RUNX3: variants seen among roughly 807,000 people sequenced by gnomAD.
RUNX3 encodes the protein RUNX family transcription factor 3, also known as runt-related transcription factor 3.
In RUNX3, 10 loss-of-function variants were observed where a neutral mutation model predicts 27.7. That is an observed-to-expected ratio of 0.36 (90% CI 0.22 to 0.61). The LOEUF is 0.61. Ranked by LOEUF, RUNX3 falls within the 20% of genes least tolerant of loss-of-function variation. RUNX3 has a pLI of 0.72. For missense variants in RUNX3, 469 were observed against 629.5 expected (o/e 0.75, Z 2.73); for synonymous variants, 270 against 269.2 (o/e 1.00, Z -0.03).
Position 24,924,401 on chromosome 1 carries a change from C to T in RUNX3, c.439+3173G>A, listed in dbSNP as rs1012277036. Reference sequence around the variant, plus strand: ...AAAAAAAAATTATCTGAGTCATGAACCTAACTCAGTTTTACATAAAACAAG... The same window carrying T: ...AAAAAAAAATTATCTGAGTCATGAATCTAACTCAGTTTTACATAAAACAAG... On this transcript the variant is annotated intron_variant, in intron 2 of 4. Coordinates refer to ENST00000308873, the MANE Select transcript of RUNX3 (RefSeq NM_004350.3). 8.2e-5 allele frequency among the ~76,000 whole-genome samples: 12 copies of T among 146,984 alleles called. No homozygotes were observed. The East Asian group carries it at 2.2e-3, about 27-fold the overall frequency.
At chr1:24,907,798 C>CAAACCTCTACAACACACGGTGATCT (rs1557836939) in intron 3 of RUNX3, among the ~76,000 whole-genome samples, 1 of 134,898 alleles carries the variant, frequency 7.4e-6, no homozygotes, top group Non-Finnish European at 1.6e-5. Context: ...CACGGTGATC[C>CAAACCTCTACAACACACGGTGATCT]AAACCTCTAC....
chr1:24,902,166 T>C lies in RUNX3; in HGVS notation c.1204A>G (p.Ser402Gly). 6.4e-7 allele frequency: 1 copy of C among 1,572,666 alleles called. No homozygotes were observed. The highest frequency in any genetic ancestry group is 1.2e-5 in the South Asian group (1 of 86,058). The stretch of plus-strand genomic sequence containing the variant: ...GCCTCATCCATGCGGCCTGGCGTGC[T>C]CAGGGCCGTGGGTGAGTTGCTGTGG... ...GSHSNSPTAL[S>G]TPGRMDEAVW... Residue 402 changes from serine to glycine, a missense_variant, in exon 5 of 5, where the codon AGC (serine) becomes GGC (glycine). By Grantham distance (56) the Ser-to-Gly change is moderately conservative. This residue lies in a region of RUNX3 where 279 missense variants were observed against 343.0 expected (regional missense o/e 0.81). Coordinates refer to ENST00000308873, the MANE Select transcript of RUNX3 (RefSeq NM_004350.3). This position sits in a 1 kb window ranked among gnomAD's most constrained non-coding sequence, Gnocchi z 9.2.
chr1:24,913,302 G>A (rs1000458157), intron 3 of RUNX3, among the ~76,000 whole-genome samples: 4 of 152,186 alleles, frequency 2.6e-5, no homozygotes, highest in African/African-American at 7.2e-5. Flanking sequence ...TCACTTATGG[G>A]AGGGCAGATC....
Position 24,907,220 on chromosome 1 carries a change from C to T in RUNX3, c.703+39G>A, listed in dbSNP as rs747913488. 4.4e-6 allele frequency: 7 copies of T among 1,592,850 alleles called. No homozygotes were observed. In the East Asian group the frequency reaches 1.6e-4, roughly 36 times the overall value. ...TGGACCACATCGAGGCCCTCCACCC[C>T]CACCTCACCCCGCTGCAGCCCCTCC... On this transcript the variant is annotated intron_variant, in intron 4 of 4. Coordinates refer to ENST00000308873, the MANE Select transcript of RUNX3 (RefSeq NM_004350.3).
Position 24,963,505 on chromosome 1 carries a change from A to G in RUNX3, c.58+1009T>C, listed in dbSNP as rs183814057. ...GAGGCACTGCCCTTATACATGGTCC[A>G]CCCCCAGGCTCAGACAATGAGAATT... On this transcript the variant is annotated intron_variant, in intron 2 of 6. Transcript: ENST00000338888. 4.2e-3 allele frequency among the ~76,000 whole-genome samples: 646 copies of G among 152,070 alleles called. 7 individuals are homozygous for G. The highest frequency in any genetic ancestry group is 7.3e-3 in the Non-Finnish European group (495 of 67,992).
In RUNX3 at chr1:24,913,299, TGGGAGGGCAGATCCCAGC is replaced by T. The variant is rs527733977; in HGVS notation, c.545-5900_545-5883del. On this transcript the variant is annotated intron_variant, in intron 3 of 4. Transcript: ENST00000308873. The stretch of plus-strand genomic sequence containing the variant: ...GATTAGTGTCTATGACCCTCACTTA[TGGGAGGGCAGATCCCAGC>T]CTGCCCCTCCCAAGGGCCCAGTGGC... Among the ~76,000 whole-genome samples, 9 of 152,316 alleles carry T rather than the reference TGGGAGGGCAGATCCCAGC, an allele frequency of 5.9e-5. No individual in the cohort carries two copies. The East Asian group carries it at 1.7e-3, about 29-fold the overall frequency.
chr1:24,920,128 C>T lies in RUNX3; in HGVS notation c.440-784G>A, dbSNP rs559227938. Among the ~76,000 whole-genome samples, 184 of 152,178 alleles carry T rather than the reference C, an allele frequency of 1.2e-3. 1 individual carries two copies. The highest frequency in any genetic ancestry group is 4.0e-3 in the African/African-American group (164 of 41,516). ...TCTTCTGTAGACACAACTGTTATTT[C>T]CAGAATGTTCTATTTTTAGATAGAC... On this transcript the variant is annotated intron_variant, in intron 2 of 4. Transcript: ENST00000308873.
chr1:24,918,309 T>C (rs1640927377), intron 3 of RUNX3, among the ~76,000 whole-genome samples: 1 of 152,168 alleles, frequency 6.6e-6, no homozygotes, highest in South Asian at 2.1e-4. Flanking sequence ...TGGGGCGCCT[T>C]CCTGCTCCTT....
At chr1:24,915,210 G>A (rs563129581) in intron 3 of RUNX3, among the ~76,000 whole-genome samples, 140 of 152,280 alleles carry the variant, frequency 9.2e-4, no homozygotes, top group Non-Finnish European at 1.6e-3. Context: ...GATCACTTGA[G>A]GTCGGGAGTT....
At chr1:24,939,710 C>A (rs962428320) in intron 2 of RUNX3, among the ~76,000 whole-genome samples, 6 of 152,358 alleles carry the variant, frequency 3.9e-5, no homozygotes, top group Admixed American at 2.0e-4. Flanking sequence ...GGCTTCCAAA[C>A]CATTCCCCAG....
chr1:24,953,364 A>G (rs1329465276), intron 2 of RUNX3, among the ~76,000 whole-genome samples: 2 of 27,536 alleles, frequency 7.3e-5, no homozygotes, highest in Non-Finnish European at 1.3e-4. Context: ...ACTCCGTCTG[A>G]AAAAAAAAAA....
At chr1:24,931,338 C>A (rs936804803), upstream of RUNX3, among the ~76,000 whole-genome samples, 4 of 152,200 alleles carry the variant, frequency 2.6e-5, no homozygotes, top group Admixed American at 2.6e-4. Context: ...GCTCCGGGTC[C>A]CCGCTCCCAC....
chr1:24,932,469 T>G (rs1417188145), upstream of RUNX3, among the ~76,000 whole-genome samples: 1 of 152,038 alleles, frequency 6.6e-6, no homozygotes, highest in Non-Finnish European at 1.5e-5. Flanking sequence ...GGGCTACAGA[T>G]GCGCGCCAGC....
At chr1:24,953,835 A>G (rs1641842078) in intron 2 of RUNX3, among the ~76,000 whole-genome samples, 1 of 152,232 alleles carries the variant, frequency 6.6e-6, no homozygotes, top group Non-Finnish European at 1.5e-5. Context: ...ATCTGACAAA[A>G]TCAGAAGTCC....
intron 2 of RUNX3, among the ~76,000 whole-genome samples, chr1:24,947,552 T>C (rs1163931825): frequency 6.6e-6 from 1 of 152,182 alleles, no homozygotes; most frequent in African/African-American, 2.4e-5. Context: ...GGCAGGCCTT[T>C]GACCAAGGCT....
At chr1:24,946,552 G>A (rs957440931) in intron 2 of RUNX3, among the ~76,000 whole-genome samples, 2 of 152,138 alleles carry the variant, frequency 1.3e-5, no homozygotes, top group South Asian at 2.1e-4. Flanking sequence ...CCTGGTAGGG[G>A]CCAGGGTGTG....
At chr1:24,919,203 C>T (rs556317749) in intron 3 of RUNX3, 37 bp downstream of exon 3, 131 of 1,347,394 alleles carry the variant, frequency 9.7e-5, no homozygotes, top group Middle Eastern at 9.3e-4. Flanking sequence ...GACCCTCCTC[C>T]CCCGCGCAGG....
chr1:24,917,821 C>T (rs879811999), intron 3 of RUNX3, among the ~76,000 whole-genome samples: 3 of 152,206 alleles, frequency 2.0e-5, no homozygotes, highest in Non-Finnish European at 2.9e-5. Context: ...GTCTATGGCT[C>T]ATGAGGGCTT....
In RUNX3 at chr1:24,907,397, C is replaced by T. The variant is rs1162423346; in HGVS notation, c.565G>A (p.Asp189Asn). 11 of 1,613,394 alleles carry T rather than the reference C, an allele frequency of 6.8e-6. No individual in the cohort carries two copies. The highest frequency in any genetic ancestry group is 9.3e-6 in the Non-Finnish European group (11 of 1,179,812). ...CGGTCAGGGAACGGCTTGGTCTGGT[C>T]CTCCAGCTTCTGCCGGTGCCCTGCA... Reference protein sequence around the residue: ...EPRRHRQKLEDQTKPFPDRFG... With the variant: ...EPRRHRQKLENQTKPFPDRFG... Residue 189 changes from aspartate (D) to asparagine (N), a missense_variant, in exon 4 of 5, where the codon GAC (aspartate) becomes AAC (asparagine). Physicochemically the swap from Asp to Asn is conservative, Grantham distance 23. Around this residue, in one of 3 missense-constraint regions of RUNX3, gnomAD observed 279 missense variants for 343.0 expected, o/e 0.81. Coordinates refer to ENST00000308873, the MANE Select transcript of RUNX3 (RefSeq NM_004350.3).
Sources: allele counts gnomAD v4.1 joint callset (sites outside exome capture counted in the v4.1 genomes callset), GRCh38; gene constraint gnomAD v4.1.1; regional missense constraint gnomAD v4.1.1; non-coding constraint Gnocchi (gnomAD v3.1); transcripts MANE v1.5; gene names NCBI Gene and HGNC (gene_info 2026-07-23, HGNC 2026-07-21).